Variants in NALF1 observed in about 807,000 individuals in gnomAD.
NALF1 encodes the protein family with sequence similarity 155 member A.
In NALF1, 3 loss-of-function variants were observed where a neutral mutation model predicts 48.4. The ratio of observed to expected loss-of-function variants is 0.06; its 90% CI spans 0.03 to 0.16. NALF1 has a LOEUF of 0.16. Ranked by LOEUF, NALF1 falls within the 10% of genes least tolerant of loss-of-function variation. The pLI, the probability that NALF1 is intolerant of heterozygous loss-of-function variation, is 1.00. For missense variants in NALF1, 526 were observed against 571.5 expected, an observed-to-expected ratio of 0.92 and a Z score of 0.81; for synonymous variants, 262 against 245.7, an observed-to-expected ratio of 1.07 and a Z score of -0.62.
At chr13:107,838,311 G>C (rs537794756) in intron 1 of NALF1, among the ~76,000 whole-genome samples, 15 of 152,250 alleles carry the variant, frequency 9.9e-5, no homozygotes, top group African/African-American at 3.6e-4. Flanking sequence ...GTCCCAAGGG[G>C]ATGCTCAAAA....
rs193243607 is a variant in NALF1, at chr13:107,170,952, T to A, written c.1088-166A>T. Among the ~76,000 whole-genome samples the A allele has an allele frequency of 2.6e-5, 4 of 152,322 alleles. No homozygotes were observed. In the East Asian group the frequency reaches 7.7e-4, roughly 29 times the overall value. ...CAATTGGATAAAGAGTCACCCATGG[T>A]CTCAAACCAGTATTGTTAGATTCCT... is the stretch of plus-strand genomic sequence containing the variant. On this transcript the variant is annotated intron_variant, in intron 2 of 2. Transcript: ENST00000375915.
intron 1 of NALF1, among the ~76,000 whole-genome samples, chr13:107,214,380 A>T (rs116119952): frequency 1.3e-5 from 2 of 152,366 alleles, no homozygotes; most frequent in African/African-American, 4.8e-5. Flanking sequence ...TCTTTTTTAT[A>T]ATGGCTTGGC....
Position 107,440,400 on chromosome 13 carries a change from C to T in NALF1, c.916-229645G>A, listed in dbSNP as rs1472644686. 5.3e-5 allele frequency among the ~76,000 whole-genome samples: 8 copies of T among 152,152 alleles called. No individual in the cohort carries two copies. The South Asian group carries it at 8.3e-4, about 16-fold the overall frequency. On this transcript the variant is annotated intron_variant, in intron 1 of 2. Transcript: ENST00000375915. ...TTAAAGTTTCGCATAGGTGGCGCGA[C>T]GAAGCCAGCTTGCAAGAATGTGCCA...
intron 1 of NALF1, among the ~76,000 whole-genome samples, chr13:107,436,585 T>C (rs1884467512): frequency 6.6e-6 from 1 of 152,206 alleles, no homozygotes; most frequent in Non-Finnish European, 1.5e-5. Context: ...CTCTATTTTA[T>C]AATAAGCATC....
chr13:107,449,594 A>G (rs1235536866), intron 1 of NALF1, among the ~76,000 whole-genome samples: 4 of 152,196 alleles, frequency 2.6e-5, no homozygotes, highest in Non-Finnish European at 5.9e-5. Flanking sequence ...CGGTAAAGAG[A>G]AATTTTATTT....
intron 1 of NALF1, among the ~76,000 whole-genome samples, chr13:107,239,422 T>A (rs986126792): frequency 2.0e-5 from 3 of 152,200 alleles, no homozygotes; most frequent in Non-Finnish European, 4.4e-5. Context: ...TGTCCTCACA[T>A]GGCACTTCCC....
chr13:107,403,382 T>G (rs2138993556), intron 1 of NALF1, among the ~76,000 whole-genome samples: 1 of 151,694 alleles, frequency 6.6e-6, no homozygotes, highest in African/African-American at 2.4e-5. Flanking sequence ...AGAGCAAATT[T>G]TCAGTAGGTA....
intron 1 of NALF1, among the ~76,000 whole-genome samples, chr13:107,357,777 T>G (rs1882988682): frequency 6.6e-6 from 1 of 152,166 alleles, no homozygotes; most frequent in Admixed American, 6.5e-5. Context: ...TTCCATAAAT[T>G]CCTTGCAGAA....
chr13:107,397,896 A>G (rs1244861875), intron 1 of NALF1, among the ~76,000 whole-genome samples: 1 of 152,168 alleles, frequency 6.6e-6, no homozygotes, highest in Admixed American at 6.5e-5. Context: ...TATAAGGCTC[A>G]TGATATAAAT....
chr13:107,314,563 A>G (rs1177203413), intron 1 of NALF1, among the ~76,000 whole-genome samples: 1 of 152,130 alleles, frequency 6.6e-6, no homozygotes, highest in African/African-American at 2.4e-5. Context: ...CCTTGAATAG[A>G]ATGTACTCTT....
chr13:107,858,157 C>T (rs1880483451), intron 1 of NALF1, among the ~76,000 whole-genome samples: 1 of 152,142 alleles, frequency 6.6e-6, no homozygotes, highest in South Asian at 2.1e-4. Flanking sequence ...CCTAGTTGCC[C>T]AGGACTCTCA....
At chr13:107,246,288 T>C (rs985683902) in intron 1 of NALF1, among the ~76,000 whole-genome samples, 7 of 152,222 alleles carry the variant, frequency 4.6e-5, no homozygotes, top group Admixed American at 1.3e-4. Flanking sequence ...GTTCACATCA[T>C]ACAGCCATTT....
intron 1 of NALF1, among the ~76,000 whole-genome samples, chr13:107,732,908 A>G (rs184283376): frequency 6.6e-6 from 1 of 152,286 alleles, no homozygotes; most frequent in East Asian, 1.9e-4. Flanking sequence ...CGTCTGGTAA[A>G]AAGAAACTTG....
intron 1 of NALF1, among the ~76,000 whole-genome samples, chr13:107,503,438 A>T (rs1382085876): frequency 6.6e-6 from 1 of 152,186 alleles, no homozygotes; most frequent in Non-Finnish European, 1.5e-5. Context: ...CTTATAAAAA[A>T]TACAGGAGAT....
At chr13:107,477,186 G>A (rs1219107743) in intron 1 of NALF1, among the ~76,000 whole-genome samples, 1 of 152,026 alleles carries the variant, frequency 6.6e-6, no homozygotes, top group Non-Finnish European at 1.5e-5. Context: ...AAGAATCAGG[G>A]TCTTCTGCAT....
At chr13:107,744,181 G>A (rs188796393) in intron 1 of NALF1, among the ~76,000 whole-genome samples, 22 of 152,300 alleles carry the variant, frequency 1.4e-4, no homozygotes, top group Admixed American at 8.5e-4. Flanking sequence ...ACAGACTTGG[G>A]CTTAATCCAG....
intron 1 of NALF1, among the ~76,000 whole-genome samples, chr13:107,638,107 G>C (rs1047868714): frequency 6.0e-5 from 9 of 149,162 alleles, no homozygotes; most frequent in Admixed American, 2.7e-4. Context: ...GTTCCTGCTA[G>C]AGTGTTTATG....
chr13:107,176,564 C>A (rs1034511919), intron 2 of NALF1, among the ~76,000 whole-genome samples: 1 of 151,866 alleles, frequency 6.6e-6, no homozygotes, highest in South Asian at 2.1e-4. Flanking sequence ...ATGGCGTGAA[C>A]CCGGGAGGCG....
intron 1 of NALF1, among the ~76,000 whole-genome samples, chr13:107,269,082 G>A (rs755520105): frequency 1.3e-5 from 2 of 151,562 alleles, no homozygotes; most frequent in African/African-American, 2.4e-5. Flanking sequence ...AGGATGGTTT[G>A]AACCCAAGAG....
Sources: allele counts gnomAD v4.1 joint callset (sites outside exome capture counted in the v4.1 genomes callset), GRCh38; gene constraint gnomAD v4.1.1; transcripts MANE v1.5; gene names NCBI Gene and HGNC (gene_info 2026-07-23, HGNC 2026-07-21).